Variants in FSCB observed in about 807,000 individuals in gnomAD.
FSCB encodes fibrous sheath CABYR-binding protein.
For synonymous variants in FSCB, 331 were observed against 336.6 expected (o/e 0.98, Z 0.18); for missense variants, 975 against 934.8 (o/e 1.04, Z -0.56).
chr14:44,505,947 C>A lies in FSCB; in HGVS notation c.1041G>T (p.Leu347=), dbSNP rs878949257. The A allele has an allele frequency of 1.2e-6, 2 of 1,612,888 alleles. No individual in the cohort carries two copies. Among genetic ancestry groups the A allele is most frequent in the African/African-American group, 2.7e-5 (2 of 74,828 alleles). ...CAGCTGATGGAGGCAGAATTTCAGC[C>A]AGAAGCTCTACAGAAGGAGACTCTT... is the stretch of plus-strand genomic sequence containing the variant. ...SAEESPSVEL[L]AEILPPSAEE... The change falls in exon 1 of 1, where the codon CTG becomes CTT. Residue 347 remains leucine, a synonymous_variant. Coordinates refer to ENST00000340446, the MANE Select transcript of FSCB (RefSeq NM_032135.4).
Position 44,504,767 on chromosome 14 carries a change from G to C in FSCB, c.2221C>G (p.Pro741Ala). Residue 741 changes from proline (P) to alanine (A), a missense_variant, in exon 1 of 1, where the codon CCA (proline) becomes GCA (alanine). Physicochemically the swap from Pro to Ala is conservative, Grantham distance 27. Coordinates refer to ENST00000340446, the MANE Select transcript of FSCB (RefSeq NM_032135.4). ...TCTTCAGGGGTTTGTTCAGATGGTG[G>C]AGGTGAAACTTCAGCAGAGGCCTCT... is the stretch of plus-strand genomic sequence containing the variant. Reference protein sequence around the residue: ...IGEASAEVSPPPSEQTPEDEA... With the variant: ...IGEASAEVSPAPSEQTPEDEA... 4 of 1,614,212 alleles carry C rather than the reference G, an allele frequency of 2.5e-6. No individual in the cohort carries two copies. The highest frequency in any genetic ancestry group is 3.4e-6 in the Non-Finnish European group (4 of 1,180,040).
At chr14:44,505,667 G>A in the FSCB span, 1 of 1,613,502 alleles carries the variant, frequency 6.2e-7, no homozygotes, top group Non-Finnish European at 8.5e-7. Context: ...GTTGAAAGCT[G>A]AAGTTCTCGA....
Position 44,505,365 on chromosome 14 carries a change from T to C in FSCB, c.1623A>G (p.Glu541=). ...IEAPADETPA[E]AQSPLSEETS... ...TCTCCTCAGATAGTGGAGACTGAGC[T>C]TCAGCAGGAGTTTCATCTGCAGGAG... The change falls in exon 1 of 1, where the codon GAA becomes GAG. Residue 541 remains glutamate, a synonymous_variant. Coordinates refer to ENST00000340446, the MANE Select transcript of FSCB (RefSeq NM_032135.4). The C allele has an allele frequency of 1.9e-6, 3 of 1,612,876 alleles. No homozygotes were observed. The highest frequency in any genetic ancestry group is 2.5e-6 in the Non-Finnish European group (3 of 1,179,984).
In FSCB at chr14:44,505,370, C is replaced by G; in HGVS notation, c.1618G>C (p.Ala540Pro). 1 of 1,612,752 alleles carries G rather than the reference C, an allele frequency of 6.2e-7. No homozygotes were observed. The highest frequency in any genetic ancestry group is 1.3e-5 in the African/African-American group (1 of 74,928). The change falls in exon 1 of 1, where the codon GCT becomes CCT. Residue 540 changes from alanine to proline, a missense_variant. By Grantham distance (27) the Ala-to-Pro change is conservative. Transcript: ENST00000340446. The stretch of plus-strand genomic sequence containing the variant: ...TCAGATAGTGGAGACTGAGCTTCAG[C>G]AGGAGTTTCATCTGCAGGAGCCTCT... The part of the protein sequence containing the change: ...AIEAPADETP[A>P]EAQSPLSEET...
chr14:44,505,458 A>G lies in FSCB; in HGVS notation c.1530T>C (p.Ser510=). The G allele has an allele frequency of 6.2e-7, 1 of 1,612,244 alleles. No homozygotes were observed. The highest frequency in any genetic ancestry group is 8.5e-7 in the Non-Finnish European group (1 of 1,179,964). Residue 510 remains serine, a synonymous_variant, in exon 1 of 1, where the codon TCT becomes TCC. Coordinates refer to ENST00000340446, the MANE Select transcript of FSCB (RefSeq NM_032135.4). The stretch of plus-strand genomic sequence containing the variant: ...CTGCAGTGGTCTCTTCAGCTAATGG[A>G]GATTGAACTTCAGCATGAGCCTCTT... ...SAEEAHAEVQ[S]PLAEETTAEE...
Position 44,506,805 on chromosome 14 carries a change from C to A in FSCB, c.183G>T (p.Lys61Asn). The part of the protein sequence containing the change: ...VSSELQQTWT[K>N]RKHGQEMTSK... ...TAGTCATTTCCTGTCCATGCTTTCT[C>A]TTTGTCCAAGTTTGCTGAAGCTCAG... is the stretch of plus-strand genomic sequence containing the variant. The change falls in exon 1 of 1, where the codon AAG (lysine) becomes AAT (asparagine). Residue 61 changes from lysine (K) to asparagine (N), a missense_variant. Coordinates refer to ENST00000340446, the MANE Select transcript of FSCB (RefSeq NM_032135.4). 2 of 1,614,048 alleles carry A rather than the reference C, an allele frequency of 1.2e-6. No individual in the cohort carries two copies.
Position 44,504,356 on chromosome 14 carries a change from G to T in FSCB, c.*154C>A, listed in dbSNP as rs1015621253. On this transcript the variant is annotated 3_prime_UTR_variant, in exon 1 of 1. Coordinates refer to ENST00000340446, the MANE Select transcript of FSCB (RefSeq NM_032135.4). ...ACACAAGTAATTTTATGCTGCTACA[G>T]TTTTTATTGTTCATTTTCCAACCTG... The T allele has an allele frequency of 5.8e-6, 3 of 516,364 alleles. No homozygotes were observed. The highest frequency in any genetic ancestry group is 3.9e-5 in the African/African-American group (2 of 51,336). The allele number at this position is 516,364 out of a possible 1,614,324, so 32.0% of individuals were successfully genotyped here. A position where few individuals can be genotyped will look rare whatever the true frequency, so the allele number is the denominator to read the frequency against.
Position 44,505,916 on chromosome 14 carries a change from A to G in FSCB, c.1072T>C (p.Ser358Pro). The G allele has an allele frequency of 2.5e-6, 4 of 1,612,642 alleles. No individual in the cohort carries two copies. The highest frequency in any genetic ancestry group is 2.5e-6 in the Non-Finnish European group (3 of 1,179,076). ...AEILPPSAEE[S>P]PSEEPPAEIL... ...TCAGCAGGAGGCTCTTCTGAAGGGGACTCTTCAGCTGATGGAGGCAGAATT... is the reference window on the plus strand; with the variant it reads ...TCAGCAGGAGGCTCTTCTGAAGGGGGCTCTTCAGCTGATGGAGGCAGAATT... The change falls in exon 1 of 1, where the codon TCC becomes CCC. Residue 358 changes from serine (S) to proline (P), a missense_variant. Coordinates refer to ENST00000340446, the MANE Select transcript of FSCB (RefSeq NM_032135.4).
In FSCB at chr14:44,504,558, T is replaced by G; in HGVS notation, c.2430A>C (p.Ile810=). 6.2e-7 allele frequency: 1 copy of G among 1,613,578 alleles called. No individual in the cohort carries two copies. The highest frequency in any genetic ancestry group is 8.5e-7 in the Non-Finnish European group (1 of 1,179,832). The change falls in exon 1 of 1, where the codon ATA becomes ATC. Residue 810 remains isoleucine, a synonymous_variant. Coordinates refer to ENST00000340446, the MANE Select transcript of FSCB (RefSeq NM_032135.4). ...TNDGQAPTLE[I]ESVFHIELKQ... ...TTAATTCTATATGAAAAACACTTTC[T>G]ATTTCAAGAGTGGGAGCCTGTCCAT...
rs765403690 is a variant in FSCB at position 44,505,475 on chromosome 14, G to A, written c.1513C>T (p.His505Tyr). ...GCTAATGGAGATTGAACTTCAGCAT[G>A]AGCCTCTTCTGCAGAAGTCTCCTCA... ...LSEETSAEEAHAEVQSPLAEE... is the reference protein window; with the variant it reads ...LSEETSAEEAYAEVQSPLAEE... Residue 505 changes from histidine to tyrosine, a missense_variant, in exon 1 of 1, where the codon CAT becomes TAT. Physicochemically the swap from His to Tyr is moderately conservative, Grantham distance 83 (BLOSUM62 2). Transcript: ENST00000340446. The A allele has an allele frequency of 2.0e-5, 32 of 1,612,318 alleles. No individual in the cohort carries two copies. Among genetic ancestry groups the A allele is most frequent in the Admixed American group, 5.0e-5 (3 of 60,014 alleles).
In FSCB at chr14:44,507,061, T is replaced by G. The variant is rs530257531; in HGVS notation, c.-74A>C. 1 of 1,111,190 alleles carries G rather than the reference T, an allele frequency of 9.0e-7. No individual in the cohort carries two copies. The highest frequency in any genetic ancestry group is 1.3e-6 in the Non-Finnish European group (1 of 782,988). The allele number at this position is 1,111,190 out of a possible 1,614,324, so 68.8% of individuals were successfully genotyped here. A position where few individuals can be genotyped will look rare whatever the true frequency, so the allele number is the denominator to read the frequency against. ...GATAGGCTGATTAGAGTCATCACTT[T>G]CTTCCATTTCTAAGAGTAGTGATTT... On this transcript the variant is annotated 5_prime_UTR_variant, in exon 1 of 1. Coordinates refer to ENST00000340446, the MANE Select transcript of FSCB (RefSeq NM_032135.4).
chr14:44,504,286 C>T lies in FSCB; in HGVS notation c.*224G>A, dbSNP rs1881005387. 4 of 388,210 alleles carry T rather than the reference C, an allele frequency of 1.0e-5. No individual in the cohort carries two copies. Among genetic ancestry groups the T allele is most frequent in the East Asian group, 7.9e-5 (2 of 25,252 alleles). The allele number at this position is 388,210 out of a possible 1,614,324, so 24.0% of individuals were successfully genotyped here. On this transcript the variant is annotated 3_prime_UTR_variant, in exon 1 of 1. Coordinates refer to ENST00000340446, the MANE Select transcript of FSCB (RefSeq NM_032135.4). ...GCAATTTTTTTCAATTATAAACTTA[C>T]TTTCAAAATAGGTATTTTTCATGCC...
rs748894618 is a variant in FSCB, at chr14:44,505,521, G to A, written c.1467C>T (p.Ala489=). Residue 489 remains alanine, a synonymous_variant, in exon 1 of 1, where the codon GCC becomes GCT. Transcript: ENST00000340446. ...ATEPPADETP[A]EARSPLSEET... ...CCTCAGATAGTGGAGACCGAGCTTC[G>A]GCAGGAGTTTCATCTGCAGGAGGCT... is the stretch of plus-strand genomic sequence containing the variant. 3.4e-5 allele frequency: 55 copies of A among 1,604,428 alleles called. 1 individual carries two copies. Among genetic ancestry groups the A allele is most frequent in the East Asian group, 2.2e-4 (10 of 44,456 alleles).
chr14:44,504,654 CA>C, the FSCB span: 1 of 1,614,172 alleles, frequency 6.2e-7, no homozygotes, highest in Non-Finnish European at 8.5e-7. Context: ...CTTCACCTTC[CA>C]AAACAACCGA....
Position 44,506,079 on chromosome 14 carries a change from A to T in FSCB, c.909T>A (p.Ala303=), listed in dbSNP as rs1399436769. ...VQPSTEETPD[A]EAATAVAENS... is the part of the protein sequence containing the mutation. ...TCTCCGCAACTGCAGTGGCTGCCTCAGCATCAGGAGTCTCTTCAGTTGATG... is the reference window on the plus strand; with the variant it reads ...TCTCCGCAACTGCAGTGGCTGCCTCTGCATCAGGAGTCTCTTCAGTTGATG... Residue 303 remains alanine, a synonymous_variant, in exon 1 of 1, where the codon GCT becomes GCA. Transcript: ENST00000340446. 1 of 1,614,030 alleles carries T rather than the reference A, an allele frequency of 6.2e-7. No homozygotes were observed. Among genetic ancestry groups the T allele is most frequent in the East Asian group, 2.2e-5 (1 of 44,876 alleles).
In FSCB at chr14:44,506,074, G is replaced by A. The variant is rs527559512; in HGVS notation, c.914C>T (p.Ala305Val). ...AGAATTCTCCGCAACTGCAGTGGCTGCCTCAGCATCAGGAGTCTCTTCAGT... is the reference window on the plus strand; with the variant it reads ...AGAATTCTCCGCAACTGCAGTGGCTACCTCAGCATCAGGAGTCTCTTCAGT... ...PSTEETPDAEAATAVAENSVK... is the reference protein window; with the variant it reads ...PSTEETPDAEVATAVAENSVK... The change falls in exon 1 of 1, where the codon GCA becomes GTA. Residue 305 changes from alanine to valine, a missense_variant. Transcript: ENST00000340446. 8 of 1,614,140 alleles carry A rather than the reference G, an allele frequency of 5.0e-6. No homozygotes were observed. The African/African-American group carries it at 1.1e-4, about 22-fold the overall frequency.
rs3840828 is a variant in FSCB, at chr14:44,504,951, A to G, written c.2037T>C (p.Pro679=). The G allele has an allele frequency of 1.1e-3, 1,760 of 1,603,218 alleles. 11 individuals are homozygous for G. The African/African-American group carries it at 0.022, about 20-fold the overall frequency. ...CAGCTGGTAGAGACTGAACTTCAGC[A>G]GGGGCCTCCTCAGCTGGTGGAGGCT... is the stretch of plus-strand genomic sequence containing the variant. ...EVQPPPAEEA[P]AEVQSLPAEE... The change falls in exon 1 of 1, where the codon CCT becomes CCC. Residue 679 remains proline, a synonymous_variant. Transcript: ENST00000340446.
the FSCB span, chr14:44,505,641 AG>A: frequency 6.2e-7 from 1 of 1,613,530 alleles, no homozygotes; most frequent in Non-Finnish European, 8.5e-7. Context: ...CCTCTTCTGC[AG>A]GGGTCTCCAT....
Position 44,505,703 on chromosome 14 carries a change from G to C in FSCB, c.1285C>G (p.Pro429Ala). ...GCCTCTTCTCTAGGAGCCTCTTCAGGTAATAGAGGCTGAACATCAGCAAGG... is the reference window on the plus strand; with the variant it reads ...GCCTCTTCTCTAGGAGCCTCTTCAGCTAATAGAGGCTGAACATCAGCAAGG... ...ETLADVQPLL[P>A]EEAPREEARE... Residue 429 changes from proline (P) to alanine (A), a missense_variant, in exon 1 of 1, where the codon CCT (proline) becomes GCT (alanine). Physicochemically the swap from Pro to Ala is conservative, Grantham distance 27. Transcript: ENST00000340446. The C allele has an allele frequency of 6.2e-7, 1 of 1,613,528 alleles. No homozygotes were observed. The highest frequency in any genetic ancestry group is 8.5e-7 in the Non-Finnish European group (1 of 1,179,890).
Sources: gnomAD v4.1 joint callset for allele counts on GRCh38, gnomAD v4.1.1 for gene constraint, MANE v1.5 for transcripts, NCBI Gene and HGNC (gene_info 2026-07-23, HGNC 2026-07-21) for gene names.